Variants in VPS51 observed in about 807,000 individuals in gnomAD.
VPS51 encodes the protein vacuolar protein sorting-associated protein 51 homolog.
In VPS51, 55 loss-of-function variants were observed where a neutral mutation model predicts 65.1. That is an observed-to-expected ratio of 0.84 (90% CI 0.68 to 1.06). The LOEUF (loss-of-function observed/expected upper bound fraction) is 1.06, where lower values mean the gene tolerates loss of function less well. Ranked by LOEUF, VPS51 falls within the 50% of genes least tolerant of loss-of-function variation. VPS51 has a pLI of 0.00. For missense variants in VPS51, 943 were observed against 1,101.6 expected (o/e 0.86, Z 2.04); for synonymous variants, 473 against 489.5 (o/e 0.97, Z 0.44).
intron 2 of VPS51, among the ~76,000 whole-genome samples, chr11:65,098,087 G>A (rs1424430111): frequency 1.3e-5 from 2 of 152,080 alleles, no homozygotes; most frequent in African/African-American, 4.8e-5. Context: ...GAGGCTGAGT[G>A]GGAGAATCAC....
chr11:65,102,705 A>G (rs1035969548), intron 2 of VPS51, among the ~76,000 whole-genome samples: 7 of 152,208 alleles, frequency 4.6e-5, no homozygotes, highest in Non-Finnish European at 7.3e-5. Flanking sequence ...TGCCTCATCA[A>G]CTGCCAAGCC....
At chr11:65,110,390 C>A in intron 7 of VPS51, 92 bp from the exon 8 acceptor site, 3 of 1,597,282 alleles carry the variant, frequency 1.9e-6, no homozygotes, top group Non-Finnish European at 2.6e-6. Flanking sequence ...CCTTGTGATG[C>A]TTGAGTAGCT....
chr11:65,109,199 C>T (rs1454134803), intron 5 of VPS51, 81 bp from the exon 6 acceptor site: 10 of 1,468,904 alleles, frequency 6.8e-6, no homozygotes, highest in Non-Finnish European at 9.3e-6. Flanking sequence ...GGCTGGGGCA[C>T]TTAGAGCCCC....
intron 2 of VPS51, among the ~76,000 whole-genome samples, chr11:65,099,350 T>C (rs2137180484): frequency 6.6e-6 from 1 of 152,278 alleles, no homozygotes; most frequent in South Asian, 2.1e-4. Context: ...AAGCAGAATG[T>C]GGGCAGAGCC....
Position 65,108,638 on chromosome 11 carries a change from C to A in VPS51, c.1167C>A (p.Ala389=). The A allele has an allele frequency of 6.5e-7, 1 of 1,535,214 alleles. No homozygotes were observed. Among genetic ancestry groups the A allele is most frequent in the Non-Finnish European group, 8.7e-7 (1 of 1,149,000 alleles). Residue 389 remains alanine (A), a synonymous_variant, in exon 5 of 10, where the codon GCC becomes GCA. Transcript: ENST00000279281. ...CTCCCGGGGCCCTGCTGGCCGCTGC[C>A]GGGCTCGCAGACGCTGCCACGGAGA... ...LRAPGALLAA[A]GLADAATEIV...
chr11:65,109,438 C>T lies in VPS51; in HGVS notation c.1602C>T (p.Tyr534=), dbSNP rs762231844. Residue 534 remains tyrosine, a synonymous_variant, in exon 6 of 10, where the codon TAC becomes TAT. Transcript: ENST00000279281. ...LLLLSRLCLD[Y]ETATISYILT... Reference sequence around the variant, plus strand: ...TGCTCTCCCGCCTCTGCCTGGACTACGAGACGGCCACCATCTCCTACATCC... The same window carrying T: ...TGCTCTCCCGCCTCTGCCTGGACTATGAGACGGCCACCATCTCCTACATCC... 45 of 1,609,500 alleles carry T rather than the reference C, an allele frequency of 2.8e-5. No individual in the cohort carries two copies. The highest frequency in any genetic ancestry group is 1.9e-4 in the South Asian group (17 of 91,092).
At position 65,111,713 on chromosome 11, in the gene VPS51, C is replaced by T. The variant is rs576447194; in HGVS notation, c.*126C>T. 87 of 1,390,220 alleles carry T rather than the reference C, an allele frequency of 6.3e-5. No homozygotes were observed. The South Asian group carries it at 9.1e-4, about 15-fold the overall frequency. 86.1% of individuals were successfully genotyped at this position (1,390,220 alleles called of 1,614,324 possible). On this transcript the variant is annotated 3_prime_UTR_variant, in exon 10 of 10. Transcript: ENST00000279281. ...ATAAACATGTGTGGCCTCCTCCTCT[C>T]GCTTGCTGGGCGGGCCTTTCCGGGG...
In VPS51 at chr11:65,107,653, C is replaced by G; in HGVS notation, c.431C>G (p.Ala144Gly). ...DEMDRLATNM[A>G]VITDFSARIS... The stretch of plus-strand genomic sequence containing the variant: ...ATGGACCGGCTGGCCACCAACATGG[C>G]AGTGATCACCGACTTCAGCGCTCGC... Residue 144 changes from alanine to glycine, a missense_variant, in exon 3 of 10, where the codon GCA becomes GGA. Physicochemically the swap from Ala to Gly is moderately conservative, Grantham distance 60. Transcript: ENST00000279281. The surrounding 1 kb of genome is among the most constrained non-coding windows in gnomAD (Gnocchi z 4.0). 6.2e-7 allele frequency: 1 copy of G among 1,609,110 alleles called. No homozygotes were observed. The highest frequency in any genetic ancestry group is 8.5e-7 in the Non-Finnish European group (1 of 1,176,302).
rs747940507 is a variant in VPS51 at position 65,108,919 on chromosome 11, G to T, written c.1443+5G>T. Reference sequence around the variant, plus strand: ...TCCAACAAGCCCTACTTCCGGGTACGCCTCCTCTTGGGTGTTCCTTGTTCA... The same window carrying T: ...TCCAACAAGCCCTACTTCCGGGTACTCCTCCTCTTGGGTGTTCCTTGTTCA... On this transcript the variant is annotated splice_donor_5th_base_variant and intron_variant, in intron 5 of 9. Transcript: ENST00000279281. 4 of 1,612,480 alleles carry T rather than the reference G, an allele frequency of 2.5e-6. No individual in the cohort carries two copies. The South Asian group carries it at 4.4e-5, about 18-fold the overall frequency.
At chr11:65,097,927 A>T (rs900085603) in intron 2 of VPS51, among the ~76,000 whole-genome samples, 5 of 152,192 alleles carry the variant, frequency 3.3e-5, no homozygotes, top group Admixed American at 2.6e-4. Flanking sequence ...CATGCCTGTA[A>T]TCCCAGCACT....
At chr11:65,103,951 C>T (rs1265859521) in intron 2 of VPS51, among the ~76,000 whole-genome samples, 1 of 150,028 alleles carries the variant, frequency 6.7e-6, no homozygotes, top group East Asian at 2.0e-4. Flanking sequence ...TTATTTGAGA[C>T]AGAGTGTTGC....
At chr11:65,108,049 C>T (rs1162571459) in intron 4 of VPS51, 27 bp downstream of exon 4, 2 of 1,488,280 alleles carry the variant, frequency 1.3e-6, no homozygotes, top group South Asian at 1.3e-5. Context: ...CTGACCCCAG[C>T]GCTCCCGCCA....
At chr11:65,109,947 A>G in intron 7 of VPS51, 24 bp downstream of exon 7, 1 of 1,567,484 alleles carries the variant, frequency 6.4e-7, no homozygotes, top group Non-Finnish European at 8.6e-7. Flanking sequence ...TGGCCGGGGT[A>G]GCCCTGACGC....
rs1381880698 is a variant in VPS51, at chr11:65,108,694, G to T, written c.1223G>T (p.Gly408Val). 6.3e-7 allele frequency: 1 copy of T among 1,599,180 alleles called. No homozygotes were observed. The change falls in exon 5 of 10, where the codon GGC becomes GTC. Residue 408 changes from glycine (G) to valine (V), a missense_variant. By Grantham distance (109) the Gly-to-Val change is moderately radical. Coordinates refer to ENST00000279281, the MANE Select transcript of VPS51 (RefSeq NM_013265.4). ...GAACGAGTGGCCCGCGAGCGCCTGGGCCACCACCTGCAGGGTCTCCGGGCG... is the reference window on the plus strand; with the variant it reads ...GAACGAGTGGCCCGCGAGCGCCTGGTCCACCACCTGCAGGGTCTCCGGGCG... ...IVERVARERL[G>V]HHLQGLRAAF...
intron 2 of VPS51, among the ~76,000 whole-genome samples, chr11:65,105,036 T>G (rs1947832483): frequency 6.6e-6 from 1 of 152,242 alleles, no homozygotes; most frequent in Non-Finnish European, 1.5e-5. Flanking sequence ...ATTTAGTGTT[T>G]TCTTGGTATT....
chr11:65,098,320 T>C (rs1174988770), intron 2 of VPS51, among the ~76,000 whole-genome samples: 1 of 152,226 alleles, frequency 6.6e-6, no homozygotes, highest in Non-Finnish European at 1.5e-5. Context: ...TCTCCCTTCC[T>C]TCCCTCCTTA....
At chr11:65,111,097 C>G (rs968478646) in intron 9 of VPS51, 2 of 760,170 alleles carry the variant, frequency 2.6e-6, no homozygotes, top group African/African-American at 3.4e-5. Context: ...GGTCCCTGCC[C>G]CGCCTCACTC....
Position 65,108,272 on chromosome 11 carries a change from G to A in VPS51, c.801G>A (p.Glu267=), listed in dbSNP as rs1947858348. 1 of 1,599,560 alleles carries A rather than the reference G, an allele frequency of 6.3e-7. No homozygotes were observed. The highest frequency in any genetic ancestry group is 8.5e-7 in the Non-Finnish European group (1 of 1,174,178). The part of the protein sequence containing the change: ...LLLALGEPAE[E]LCEEFLAHAR... ...TGGCCCTGGGCGAGCCTGCGGAGGA[G>A]CTGTGCGAGGAGTTCCTGGCGCACG... The change falls in exon 5 of 10, where the codon GAG becomes GAA. Residue 267 remains glutamate (E), a synonymous_variant. Coordinates refer to ENST00000279281, the MANE Select transcript of VPS51 (RefSeq NM_013265.4).
At position 65,109,897 on chromosome 11, in the gene VPS51, G is replaced by A. The variant is rs1947878651; in HGVS notation, c.1852G>A (p.Glu618Lys). The change falls in exon 7 of 10, where the codon GAG (glutamate) becomes AAG (lysine). Residue 618 changes from glutamate to lysine, a missense_variant. This residue lies in a region of VPS51 where 855 missense variants were observed against 953.7 expected (regional missense o/e 0.90). Transcript: ENST00000279281. ...NVRAVMKRVVEDTTAIDVQVG... is the reference protein window; with the variant it reads ...NVRAVMKRVVKDTTAIDVQVG... Reference sequence around the variant, plus strand: ...GCGGGCCGTCATGAAGCGGGTGGTGGAGGATACCACCGCCATCGACGTGCA... The same window carrying A: ...GCGGGCCGTCATGAAGCGGGTGGTGAAGGATACCACCGCCATCGACGTGCA... The A allele has an allele frequency of 6.2e-7, 1 of 1,608,016 alleles. No homozygotes were observed.
Sources: allele counts gnomAD v4.1 joint callset (sites outside exome capture counted in the v4.1 genomes callset), GRCh38; gene constraint gnomAD v4.1.1; regional missense constraint gnomAD v4.1.1; non-coding constraint Gnocchi (gnomAD v3.1); transcripts MANE v1.5; gene names NCBI Gene and HGNC (gene_info 2026-07-23, HGNC 2026-07-21).